The following NKD1 variants were observed in gnomAD, a reference collection of about 807,000 sequenced individuals.
NKD1 encodes the protein NKD inhibitor of Wnt signaling pathway 1.
Under a neutral mutation model 56.0 loss-of-function variants are expected in NKD1, and 21 were observed. That is an observed-to-expected ratio of 0.38 (90% CI 0.27 to 0.54). The LOEUF is 0.54. Ranked by LOEUF, NKD1 falls within the 20% of genes least tolerant of loss-of-function variation. The probability of loss-of-function intolerance (pLI) is 0.82; values close to 1 mark genes in which losing one functional copy is unlikely to be tolerated. For synonymous variants in NKD1, 263 were observed against 265.7 expected (o/e 0.99, Z 0.10); for missense variants, 578 against 642.7 (o/e 0.90, Z 1.09).
chr16:50,594,401 C>T (rs1234065021), intron 3 of NKD1, among the ~76,000 whole-genome samples: 2 of 152,166 alleles, frequency 1.3e-5, no homozygotes, highest in Admixed American at 1.3e-4. Context: ...CAACTACCCG[C>T]GTAGTTCAGG....
intron 3 of NKD1, among the ~76,000 whole-genome samples, chr16:50,567,563 C>T (rs1007694484): frequency 1.4e-4 from 21 of 152,304 alleles, no homozygotes; most frequent in Admixed American, 9.8e-4. Context: ...ACTCTGATCT[C>T]GGGACACCCC....
At position 50,635,940 on chromosome 16, in the gene NKD1, T is replaced by TTCTTGTCCCTCCC. The variant is rs1379214509; in HGVS notation, c.*2171_*2183dup. 1 of 152,238 alleles carries TTCTTGTCCCTCCC rather than the reference T, an allele frequency of 6.6e-6. No homozygotes were observed. Among genetic ancestry groups the TTCTTGTCCCTCCC allele is most frequent in the Non-Finnish European group, 1.5e-5 (1 of 68,042 alleles). The allele number at this position is 152,238 out of a possible 1,614,324, so 9.4% of individuals were successfully genotyped here. ...AGGATGTGAATGCAGCTGAGACTGG[T>TTCTTGTCCCTCCC]TCTTGTCCCTCCCTCTTGTCCCTCG... is the stretch of plus-strand genomic sequence containing the variant. On this transcript the variant is annotated 3_prime_UTR_variant, in exon 10 of 10. Transcript: ENST00000268459. The surrounding 1 kb of genome is among the most constrained non-coding windows in gnomAD (Gnocchi z 4.1).
rs571983298 is a variant in NKD1, at chr16:50,633,711, C to T, written c.1343C>T (p.Pro448Leu). ...LVVYESQAGQPVQRHEHHHHH... is the reference protein window; with the variant it reads ...LVVYESQAGQLVQRHEHHHHH... Reference sequence around the variant, plus strand: ...GTGTATGAGAGCCAGGCCGGGCAGCCGGTCCAGAGACATGAGCACCACCAC... The same window carrying T: ...GTGTATGAGAGCCAGGCCGGGCAGCTGGTCCAGAGACATGAGCACCACCAC... The change falls in exon 10 of 10, where the codon CCG becomes CTG. Residue 448 changes from proline to leucine, a missense_variant. Physicochemically the swap from Pro to Leu is moderately conservative, Grantham distance 98 (BLOSUM62 -3). Coordinates refer to ENST00000268459, the MANE Select transcript of NKD1 (RefSeq NM_033119.5). This position sits in a 1 kb window ranked among gnomAD's most constrained non-coding sequence, Gnocchi z 4.9. The T allele has an allele frequency of 1.4e-5, 22 of 1,585,478 alleles. No individual in the cohort carries two copies. The highest frequency in any genetic ancestry group is 1.0e-4 in the South Asian group (9 of 87,576).
rs1418193334 is a variant in NKD1 at position 50,623,146 on chromosome 16, AGT to A, written c.366+1440_366+1441del. Among the ~76,000 whole-genome samples the A allele has an allele frequency of 2.0e-5, 3 of 151,974 alleles. No individual in the cohort carries two copies. Among genetic ancestry groups the A allele is most frequent in the African/African-American group, 7.2e-5 (3 of 41,472 alleles). ...AAGTGCCGGCGTGCTGTGTGGAGAGAGTGAGTGGCGTGATGTGGCCTGTGCTG... is the reference window on the plus strand; with the variant it reads ...AAGTGCCGGCGTGCTGTGTGGAGAGAGAGTGGCGTGATGTGGCCTGTGCTG... On this transcript the variant is annotated intron_variant, in intron 5 of 9. Transcript: ENST00000268459. This position sits in a 1 kb window ranked among gnomAD's most constrained non-coding sequence, Gnocchi z 4.1.
intron 5 of NKD1, among the ~76,000 whole-genome samples, chr16:50,624,695 C>T (rs1205850597): frequency 6.6e-6 from 1 of 152,106 alleles, no homozygotes; most frequent in African/African-American, 2.4e-5. Context: ...TGCTGGAGAG[C>T]CTCCTAGGAG....
chr16:50,572,005 CGGG>C (rs1202725795), intron 3 of NKD1, among the ~76,000 whole-genome samples: 1 of 152,226 alleles, frequency 6.6e-6, no homozygotes, highest in African/African-American at 2.4e-5. Flanking sequence ...ATGCCCAACT[CGGG>C]GCCTTTGCAC....
chr16:50,627,263 C>G (rs535629760), intron 6 of NKD1, among the ~76,000 whole-genome samples: 3 of 152,338 alleles, frequency 2.0e-5, no homozygotes, highest in South Asian at 2.1e-4. Flanking sequence ...CATCACTGCT[C>G]TGTTTCCTCA....
At chr16:50,549,273 T>G in intron 2 of NKD1, 149 bp from the exon 3 acceptor site, 1 of 931,458 alleles carries the variant, frequency 1.1e-6, no homozygotes, top group Non-Finnish European at 1.6e-6. Flanking sequence ...CCCGCGTCCC[T>G]CTCTTGGCTC....
At chr16:50,565,150 C>T (rs542266190) in intron 3 of NKD1, among the ~76,000 whole-genome samples, 4 of 150,116 alleles carry the variant, frequency 2.7e-5, no homozygotes, top group East Asian at 2.0e-4. Flanking sequence ...CCAAGGTGGG[C>T]GGATCACAAG....
intron 3 of NKD1, among the ~76,000 whole-genome samples, chr16:50,550,822 A>G (rs756394649): frequency 1.3e-4 from 20 of 152,332 alleles, no homozygotes; most frequent in Middle Eastern, 3.4e-3. Context: ...AGCCGTATGA[A>G]CAAATGCATT....
chr16:50,570,957 T>A, intron 3 of NKD1: 1 of 985,450 alleles, frequency 1.0e-6, no homozygotes, highest in Non-Finnish European at 1.2e-6. Context: ...GCTTCTGCAC[T>A]GAGGGCTGGC....
intron 3 of NKD1, chr16:50,555,638 C>T (rs1275477551): frequency 4.6e-5 from 7 of 152,702 alleles, no homozygotes; most frequent in South Asian, 4.1e-4. Context: ...GAGAGCTAAT[C>T]ATGCCCCAGA....
rs1356942275 is a variant in NKD1 at position 50,573,884 on chromosome 16, T to A, written c.192+24329T>A. 3 of 985,226 alleles carry A rather than the reference T, an allele frequency of 3.0e-6. No individual in the cohort carries two copies. In the Admixed American group the frequency reaches 1.8e-4, roughly 61 times the overall value. 61.0% of individuals were successfully genotyped at this position (985,226 alleles called of 1,614,324 possible). On this transcript the variant is annotated intron_variant, in intron 3 of 9. Coordinates refer to ENST00000268459, the MANE Select transcript of NKD1 (RefSeq NM_033119.5). ...GGAGCAGGGGCGGGGGTGAGGGTGCTGAGCTGGCACAAACAACAGCTGTTG... is the reference window on the plus strand; with the variant it reads ...GGAGCAGGGGCGGGGGTGAGGGTGCAGAGCTGGCACAAACAACAGCTGTTG...
rs1391825453 is a variant in NKD1, at chr16:50,643,311, T to C, written c.*9530T>C. On this transcript the variant is annotated 3_prime_UTR_variant, in exon 10 of 10. Transcript: ENST00000268459. ...TCAGTTAAGCAACTTACCTAACTTG[T>C]GGCTAATGCATGGTAGGATTAAACA... 1.3e-5 allele frequency: 2 copies of C among 152,262 alleles called. No homozygotes were observed. Among genetic ancestry groups the C allele is most frequent in the Non-Finnish European group, 2.9e-5 (2 of 68,046 alleles). 9.4% of individuals were successfully genotyped at this position (152,262 alleles called of 1,614,324 possible). A position where few individuals can be genotyped will look rare whatever the true frequency, so the allele number is the denominator to read the frequency against.
At chr16:50,630,722 C>G in intron 7 of NKD1, 104 bp from the exon 8 acceptor site, 1 of 985,000 alleles carries the variant, frequency 1.0e-6, no homozygotes, top group Admixed American at 2.5e-5. Flanking sequence ...TCAGGGAACC[C>G]TCCCACAGTG....
intron 5 of NKD1, among the ~76,000 whole-genome samples, chr16:50,624,182 A>G (rs917424030): frequency 2.0e-4 from 31 of 152,130 alleles, no homozygotes; most frequent in African/African-American, 7.0e-4. Context: ...TTGGCATGCC[A>G]TGGAACAGAA....
At chr16:50,557,419 T>C (rs922247816) in intron 3 of NKD1, 5 of 152,278 alleles carry the variant, frequency 3.3e-5, no homozygotes, top group African/African-American at 1.2e-4. Context: ...CATCGATTTT[T>C]CTTCTCTTAT....
intron 3 of NKD1, among the ~76,000 whole-genome samples, chr16:50,550,165 C>G (rs1282312123): frequency 6.6e-6 from 1 of 151,810 alleles, no homozygotes; most frequent in Non-Finnish European, 1.5e-5. Flanking sequence ...GTCTCTGAGG[C>G]TGGAGTTCCT....
At chr16:50,573,358 T>G (rs753450660) in intron 3 of NKD1, among the ~76,000 whole-genome samples, 23 of 152,228 alleles carry the variant, frequency 1.5e-4, no homozygotes, top group Admixed American at 4.6e-4. Flanking sequence ...AGTTGCCCTG[T>G]GGGCAGGTGG....
Sources: gnomAD v4.1 joint callset for allele counts (sites outside exome capture counted in the v4.1 genomes callset) on GRCh38, gnomAD v4.1.1 for gene constraint, Gnocchi (gnomAD v3.1) non-coding constraint, MANE v1.5 for transcripts, NCBI Gene and HGNC (gene_info 2026-07-23, HGNC 2026-07-21) for gene names.